MAST1: variants seen among roughly 807,000 people sequenced by gnomAD.
MAST1 encodes the protein microtubule-associated serine/threonine-protein kinase 1.
Under a neutral mutation model 124.6 loss-of-function variants are expected in MAST1, and 40 were observed. The ratio of observed to expected loss-of-function variants is 0.32; its 90% confidence interval spans 0.25 to 0.42. The LOEUF is 0.42. Among genes scored for constraint, MAST1 ranks in the 10% least tolerant of loss-of-function variants. The probability of loss-of-function intolerance (pLI) is 1.00; values close to 1 mark genes in which losing one functional copy is unlikely to be tolerated. For missense variants in MAST1, 1,558 were observed against 2,181.9 expected (o/e 0.71, Z 5.70); for synonymous variants, 938 against 939.4 (o/e 1.00, Z 0.03).
intron 23 of MAST1, 33 bp downstream of exon 23, chr19:12,870,979 G>T (rs777175766): frequency 1.4e-5 from 22 of 1,613,600 alleles, no homozygotes; most frequent in Non-Finnish European, 1.8e-5. Context: ...CCTGGGCGGA[G>T]GGTGGGGGAG....
chr19:12,865,917 T>TG lies in MAST1; in HGVS notation c.1907-57dup. On this transcript the variant is annotated intron_variant, in intron 16 of 25. Transcript: ENST00000251472. This position sits in a 1 kb window ranked among gnomAD's most constrained non-coding sequence, Gnocchi z 7.1. ...TGCTGTGGCCCCGGGGCGGAAGACA[T>TG]GGGGGGCGGGGCTGGGCTGCTGGGT... 2 of 1,609,872 alleles carry TG rather than the reference T, an allele frequency of 1.2e-6. No individual in the cohort carries two copies. Among genetic ancestry groups the TG allele is most frequent in the South Asian group, 1.1e-5 (1 of 90,888 alleles).
chr19:12,842,947 G>A lies in MAST1; in HGVS notation c.249-582G>A, dbSNP rs998620007. On this transcript the variant is annotated intron_variant, in intron 3 of 25. Transcript: ENST00000251472. ...GGTCCATGGATGGGATAGTCAATAC[G>A]TGTGGGTGTCTGTGTTGAGGAGTCA... Among the ~76,000 whole-genome samples the A allele has an allele frequency of 3.9e-5, 6 of 152,242 alleles. No individual in the cohort carries two copies. In the East Asian group the frequency reaches 1.2e-3, roughly 29 times the overall value.
intron 10 of MAST1, among the ~76,000 whole-genome samples, chr19:12,855,989 A>C (rs1970012391): frequency 6.6e-6 from 1 of 150,596 alleles, no homozygotes; most frequent in Non-Finnish European, 1.5e-5. Context: ...TATAGGTAAG[A>C]GTTCCATACA....
At position 12,865,370 on chromosome 19, in the gene MAST1, G is replaced by A; in HGVS notation, c.1693G>A (p.Gly565Ser). The A allele has an allele frequency of 1.9e-6, 3 of 1,611,836 alleles. No individual in the cohort carries two copies. The highest frequency in any genetic ancestry group is 2.5e-6 in the Non-Finnish European group (3 of 1,178,874). The change falls in exon 15 of 26, where the codon GGC becomes AGC. Residue 565 changes from glycine (G) to serine (S), a missense_variant. Physicochemically the swap from Gly to Ser is moderately conservative, Grantham distance 56 (BLOSUM62 0). Coordinates refer to ENST00000251472, the MANE Select transcript of MAST1 (RefSeq NM_014975.3). This position sits in a 1 kb window ranked among gnomAD's most constrained non-coding sequence, Gnocchi z 7.1. ...APEVILRQGY[G>S]KPVDWWAMGI... ...CGAGGTCATCCTGCGTCAAGGCTAC[G>A]GCAAGCCAGTGGACTGGTGGGCTAT...
chr19:12,863,620 A>G (rs1970113066), intron 12 of MAST1, among the ~76,000 whole-genome samples: 2 of 152,140 alleles, frequency 1.3e-5, no homozygotes, highest in Non-Finnish European at 2.9e-5. Flanking sequence ...AGCAGATCTC[A>G]GCTTACATTC....
At chr19:12,859,990 C>A (rs1348591977) in intron 12 of MAST1, among the ~76,000 whole-genome samples, 1 of 151,996 alleles carries the variant, frequency 6.6e-6, no homozygotes, top group Non-Finnish European at 1.5e-5. Context: ...GCACGAGCCA[C>A]CGAGCCCATC....
Position 12,874,080 on chromosome 19 carries a change from C to A in MAST1, c.3923C>A (p.Ala1308Asp). 6.3e-7 allele frequency: 1 copy of A among 1,578,438 alleles called. No individual in the cohort carries two copies. Among genetic ancestry groups the A allele is most frequent in the African/African-American group, 1.3e-5 (1 of 74,732 alleles). The change falls in exon 26 of 26, where the codon GCC becomes GAC. Residue 1308 changes from alanine to aspartate, a missense_variant. Around this residue, in one of 10 missense-constraint regions of MAST1, gnomAD observed 263 missense variants for 310.9 expected, o/e 0.85. Coordinates refer to ENST00000251472, the MANE Select transcript of MAST1 (RefSeq NM_014975.3). This position sits in a 1 kb window ranked among gnomAD's most constrained non-coding sequence, Gnocchi z 6.6. ...GGCGAGCTGGCGCTGCATAGCCTTG[C>A]CGAGTCCGACGGTGAGACGCCCCCA... ...FHGELALHSL[A>D]ESDGETPPVE...
At chr19:12,846,780 A>T (rs1438106723) in intron 4 of MAST1, among the ~76,000 whole-genome samples, 1 of 146,666 alleles carries the variant, frequency 6.8e-6, no homozygotes, top group Non-Finnish European at 1.5e-5. Flanking sequence ...TAGGAGGCTG[A>T]GTCAGGAGAA....
intron 7 of MAST1, chr19:12,848,263 C>T (rs1969921044): frequency 1.7e-6 from 1 of 581,402 alleles, no homozygotes; most frequent in Non-Finnish European, 3.1e-6. Context: ...GCTCATTTCC[C>T]TTAGGTCTTT....
chr19:12,867,436 G>C (rs201106956), intron 18 of MAST1, 38 bp from the exon 19 acceptor site: 55 of 1,609,624 alleles, frequency 3.4e-5, no homozygotes, highest in Non-Finnish European at 4.6e-5. Context: ...AGTGAAAGTG[G>C]AACCCGGGCT....
In MAST1 at chr19:12,870,180, CAAAAAAAAAA is replaced by C. The variant is rs35731863; in HGVS notation, c.3004-627_3004-618del. Among the ~76,000 whole-genome samples the C allele has an allele frequency of 1.5e-3, 46 of 30,616 alleles. 1 individual carries two copies. In the South Asian group the frequency reaches 0.048, roughly 32 times the overall value. 20.1% of individuals were successfully genotyped at this position (30,616 alleles called of 152,430 possible). On this transcript the variant is annotated intron_variant, in intron 22 of 25. Coordinates refer to ENST00000251472, the MANE Select transcript of MAST1 (RefSeq NM_014975.3). Reference sequence around the variant, plus strand: ...TGGGCGACAGAGCAAGACACCATCTCAAAAAAAAAAAAAAAAAAAAAAAAAATGGCCAGGC... The same window carrying C: ...TGGGCGACAGAGCAAGACACCATCTCAAAAAAAAAAAAAAAATGGCCAGGC...
chr19:12,869,155 C>T lies in MAST1; in HGVS notation c.2863C>T (p.Arg955Trp), dbSNP rs879630470. 6.8e-6 allele frequency: 11 copies of T among 1,614,190 alleles called. No homozygotes were observed. Among genetic ancestry groups the T allele is most frequent in the African/African-American group, 1.3e-5 (1 of 75,040 alleles). ...ATCCTCACGGGACTCCTCACCCAGC[C>T]GGGACTACTCACCAGCTGTCAGTGG... ...NPSSRDSSPS[R>W]DYSPAVSGLR... The change falls in exon 22 of 26, where the codon CGG (arginine) becomes TGG (tryptophan). Residue 955 changes from arginine (R) to tryptophan (W), a missense_variant. Arg to Trp is a moderately radical substitution (Grantham distance 101, BLOSUM62 -3). Transcript: ENST00000251472.
rs1452037504 is a variant in MAST1, at chr19:12,874,414, G to C, written c.4257G>C (p.Glu1419Asp). The change falls in exon 26 of 26, where the codon GAG becomes GAC. Residue 1419 changes from glutamate (E) to aspartate (D), a missense_variant. Glu to Asp is a conservative substitution (Grantham distance 45). This residue lies in a region of MAST1 where 263 missense variants were observed against 310.9 expected (regional missense o/e 0.85). Transcript: ENST00000251472. This position sits in a 1 kb window ranked among gnomAD's most constrained non-coding sequence, Gnocchi z 6.6. ...KAALSPVQEH[E>D]TGRRSSSGEA... ...CGCTGAGCCCGGTGCAGGAACACGA[G>C]ACAGGCCGGCGCAGCAGCTCTGGCG... 5 of 1,598,814 alleles carry C rather than the reference G, an allele frequency of 3.1e-6. No homozygotes were observed. Among genetic ancestry groups the C allele is most frequent in the Non-Finnish European group, 3.4e-6 (4 of 1,179,156 alleles).
chr19:12,840,637 T>C (rs1404128948), intron 2 of MAST1, 103 bp downstream of exon 2: 3 of 846,812 alleles, frequency 3.5e-6, no homozygotes, highest in African/African-American at 1.7e-5. Flanking sequence ...GCAGTTTGAA[T>C]GGAGGCGAAC....
In MAST1 at chr19:12,865,761, G is replaced by A; in HGVS notation, c.1849G>A (p.Ala617Thr). The change falls in exon 16 of 26, where the codon GCC becomes ACC. Residue 617 changes from alanine to threonine, a missense_variant. This residue lies in a region of MAST1 where 145 missense variants were observed against 350.0 expected (regional missense o/e 0.41). Transcript: ENST00000251472. The surrounding 1 kb of genome is among the most constrained non-coding windows in gnomAD (Gnocchi z 7.1). ...PEGDEALPTEAQLLISSLLQT... is the reference protein window; with the variant it reads ...PEGDEALPTETQLLISSLLQT... ...GGGGGATGAGGCCCTACCTACGGAG[G>A]CCCAACTCCTCATATCCAGCCTCCT... The A allele has an allele frequency of 1.9e-6, 3 of 1,613,866 alleles. No individual in the cohort carries two copies. The highest frequency in any genetic ancestry group is 2.5e-6 in the Non-Finnish European group (3 of 1,179,912).
chr19:12,874,260 C>G lies in MAST1; in HGVS notation c.4103C>G (p.Ala1368Gly). Residue 1368 changes from alanine to glycine, a missense_variant, in exon 26 of 26, where the codon GCG becomes GGG. Physicochemically the swap from Ala to Gly is moderately conservative, Grantham distance 60. This residue lies in a region of MAST1 where 263 missense variants were observed against 310.9 expected (regional missense o/e 0.85). Coordinates refer to ENST00000251472, the MANE Select transcript of MAST1 (RefSeq NM_014975.3). The surrounding 1 kb of genome is among the most constrained non-coding windows in gnomAD (Gnocchi z 6.6). ...KEKESPGGAE[A>G]CTPPRATTPG... The stretch of plus-strand genomic sequence containing the variant: ...AAGGAATCCCCGGGGGGCGCCGAGG[C>G]GTGCACCCCACCCCGCGCGACGACC... 1.9e-6 allele frequency: 3 copies of G among 1,578,662 alleles called. No homozygotes were observed. The highest frequency in any genetic ancestry group is 2.6e-6 in the Non-Finnish European group (3 of 1,167,316).
chr19:12,865,293 G>C lies in MAST1; in HGVS notation c.1639-23G>C. On this transcript the variant is annotated intron_variant, in intron 14 of 25. Coordinates refer to ENST00000251472, the MANE Select transcript of MAST1 (RefSeq NM_014975.3). The surrounding 1 kb of genome is among the most constrained non-coding windows in gnomAD (Gnocchi z 7.1). ...TTGAGGGCCCTCCTCTGGCTGGGGCGTGGGCTGACAGCCTGCCCCCAGGTG... is the reference window on the plus strand; with the variant it reads ...TTGAGGGCCCTCCTCTGGCTGGGGCCTGGGCTGACAGCCTGCCCCCAGGTG... 6.3e-7 allele frequency: 1 copy of C among 1,579,858 alleles called. No homozygotes were observed. Among genetic ancestry groups the C allele is most frequent in the Non-Finnish European group, 8.6e-7 (1 of 1,162,828 alleles).
intron 4 of MAST1, among the ~76,000 whole-genome samples, chr19:12,844,108 C>CT (rs1476036386): frequency 6.6e-6 from 1 of 152,208 alleles, no homozygotes; most frequent in Non-Finnish European, 1.5e-5. Context: ...GAGCCCAATG[C>CT]TCTGCCCTCA....
rs774101907 is a variant in MAST1 at position 12,868,803 on chromosome 19, C to T, written c.2727C>T (p.Val909=). 2.5e-6 allele frequency: 4 copies of T among 1,604,098 alleles called. No individual in the cohort carries two copies. The highest frequency in any genetic ancestry group is 1.1e-5 in the South Asian group (1 of 89,770). Residue 909 remains valine (V), a synonymous_variant, in exon 21 of 26, where the codon GTC becomes GTT. Transcript: ENST00000251472. ...GGCCTTCTCGAACTGGGGGCAAAGTCATCAAATCAGCCTCAGCCACTGCCT... is the reference window on the plus strand; with the variant it reads ...GGCCTTCTCGAACTGGGGGCAAAGTTATCAAATCAGCCTCAGCCACTGCCT... ...EKRPSRTGGK[V]IKSASATALS...
Sources: gnomAD v4.1 joint callset for allele counts (sites outside exome capture counted in the v4.1 genomes callset) on GRCh38, gnomAD v4.1.1 for gene constraint, gnomAD v4.1.1 regional missense constraint, Gnocchi (gnomAD v3.1) non-coding constraint, MANE v1.5 for transcripts, NCBI Gene and HGNC (gene_info 2026-07-23, HGNC 2026-07-21) for gene names.